Variants in SPAG16 observed in about 807,000 individuals in gnomAD.
SPAG16 encodes the protein sperm associated antigen 16, also known as sperm-associated antigen 16 protein.
Under a neutral mutation model 80.4 loss-of-function variants are expected in SPAG16, and 86 were observed. The observed-to-expected ratio is 1.07, with a 90% confidence interval of 0.90 to 1.28. The LOEUF is 1.28. Among genes scored for constraint, SPAG16 ranks in the 50% most tolerant of loss-of-function variants. The pLI is 0.00. For missense variants in SPAG16, 870 were observed against 765.3 expected, an observed-to-expected ratio of 1.14 and a Z score of -1.61; for synonymous variants, 294 against 265.9, an observed-to-expected ratio of 1.11 and a Z score of -1.03.
chr2:213,567,221 G>T (rs913947934), intron 10 of SPAG16, among the ~76,000 whole-genome samples: 7 of 98,512 alleles, frequency 7.1e-5, no homozygotes, highest in South Asian at 3.2e-4. Context: ...AAAATTACTT[G>T]TTTGACATTG....
chr2:213,671,987 CAT>C (rs2063828487), intron 10 of SPAG16, among the ~76,000 whole-genome samples: 2 of 152,158 alleles, frequency 1.3e-5, no homozygotes, highest in Non-Finnish European at 2.9e-5. Flanking sequence ...ATCATCAGCA[CAT>C]GAGATATTAT....
intron 14 of SPAG16, among the ~76,000 whole-genome samples, chr2:214,145,269 A>T (rs569296535): frequency 6.6e-6 from 1 of 152,136 alleles, no homozygotes; most frequent in African/African-American, 2.4e-5. Context: ...ACAAGTTTAC[A>T]TAACAGTTGC....
At chr2:213,418,575 A>G (rs1448802794) in intron 9 of SPAG16, among the ~76,000 whole-genome samples, 2 of 152,164 alleles carry the variant, frequency 1.3e-5, no homozygotes, top group African/African-American at 4.8e-5. Context: ...TGATGAATGC[A>G]GTATATTCTT....
At chr2:214,149,408 A>G in intron 15 of SPAG16, 142 bp downstream of exon 15, 1 of 734,094 alleles carries the variant, frequency 1.4e-6, no homozygotes, top group South Asian at 2.9e-5. Flanking sequence ...TTACATTAAG[A>G]TATATTTTAT....
intron 10 of SPAG16, among the ~76,000 whole-genome samples, chr2:213,705,608 A>T (rs1034540843): frequency 1.8e-4 from 28 of 151,942 alleles, no homozygotes; most frequent in Non-Finnish European, 2.4e-4. Flanking sequence ...TATTAAGAAA[A>T]TTTTTTTAGG....
intron 10 of SPAG16, among the ~76,000 whole-genome samples, chr2:213,563,048 A>G (rs974064171): frequency 3.3e-5 from 5 of 152,190 alleles, no homozygotes; most frequent in Non-Finnish European, 7.3e-5. Flanking sequence ...CATTTCAACC[A>G]TAGCAGTGAC....
At chr2:213,492,029 G>C (rs1352370492) in intron 10 of SPAG16, among the ~76,000 whole-genome samples, 1 of 152,112 alleles carries the variant, frequency 6.6e-6, no homozygotes, top group Non-Finnish European at 1.5e-5. Flanking sequence ...CTTTTTGCCT[G>C]TCTACTTCAT....
At chr2:213,585,976 C>A (rs565686941) in intron 10 of SPAG16, among the ~76,000 whole-genome samples, 2 of 152,112 alleles carry the variant, frequency 1.3e-5, no homozygotes, top group Non-Finnish European at 2.9e-5. Flanking sequence ...CTAATCATCT[C>A]CATAACATAT....
chr2:214,286,108 A>G (rs1693335124), intron 15 of SPAG16, among the ~76,000 whole-genome samples: 1 of 152,210 alleles, frequency 6.6e-6, no homozygotes, highest in African/African-American at 2.4e-5. Context: ...ATTTATTTCT[A>G]TATGGAACCA....
intron 10 of SPAG16, among the ~76,000 whole-genome samples, chr2:213,773,214 G>A (rs932291058): frequency 2.0e-5 from 3 of 151,574 alleles, no homozygotes; most frequent in African/African-American, 4.9e-5. Context: ...CAGTTTCTAC[G>A]GAATTCTGTT....
chr2:213,596,725 G>A (rs2124950300), intron 10 of SPAG16, among the ~76,000 whole-genome samples: 1 of 152,212 alleles, frequency 6.6e-6, no homozygotes, highest in Middle Eastern at 3.4e-3. Context: ...CAAAGACAAA[G>A]ATTGAGCTCT....
At chr2:213,793,798 T>C (rs976853268) in intron 10 of SPAG16, among the ~76,000 whole-genome samples, 3 of 152,196 alleles carry the variant, frequency 2.0e-5, no homozygotes, top group African/African-American at 7.2e-5. Flanking sequence ...AGTTTGGATA[T>C]CCCAGAAGTC....
At chr2:214,107,248 G>A (rs905502429) in intron 13 of SPAG16, among the ~76,000 whole-genome samples, 2 of 152,038 alleles carry the variant, frequency 1.3e-5, no homozygotes, top group African/African-American at 2.4e-5. Flanking sequence ...TAGAATATAA[G>A]GTCCGTGAGA....
chr2:213,708,004 T>C (rs1466533222), intron 10 of SPAG16, among the ~76,000 whole-genome samples: 1 of 152,208 alleles, frequency 6.6e-6, no homozygotes, highest in Non-Finnish European at 1.5e-5. Context: ...TGAGAGTCAG[T>C]GAAAGTCAAT....
At chr2:214,297,605 A>G (rs562466162) in intron 15 of SPAG16, among the ~76,000 whole-genome samples, 1 of 151,608 alleles carries the variant, frequency 6.6e-6, no homozygotes, top group Non-Finnish European at 1.5e-5. Context: ...TTCTTTCCCC[A>G]TTGTTTATTT....
At chr2:214,280,733 A>G (rs553315443) in intron 15 of SPAG16, 28 of 403,026 alleles carry the variant, frequency 6.9e-5, no homozygotes, top group African/African-American at 4.4e-4. Flanking sequence ...GGATGGTTCT[A>G]TCTCTTTTAA....
At chr2:213,869,228 G>A (rs1364817169) in intron 11 of SPAG16, among the ~76,000 whole-genome samples, 1 of 77,088 alleles carries the variant, frequency 1.3e-5, no homozygotes, top group African/African-American at 3.9e-5. Flanking sequence ...ACTCTAGCCT[G>A]GGCAACAAGA....
intron 15 of SPAG16, among the ~76,000 whole-genome samples, chr2:214,206,999 C>T (rs569611352): frequency 3.4e-4 from 51 of 152,072 alleles, no homozygotes; most frequent in Non-Finnish European, 6.8e-4. Context: ...TTGATCTCAA[C>T]CTCATTAAAG....
At chr2:213,809,667 A>C (rs1559486491) in intron 10 of SPAG16, among the ~76,000 whole-genome samples, 2 of 152,118 alleles carry the variant, frequency 1.3e-5, no homozygotes, top group African/African-American at 4.8e-5. Context: ...GGAAGTTTAA[A>C]ATTACAATTA....
Sources: gnomAD v4.1 joint callset for allele counts (sites outside exome capture counted in the v4.1 genomes callset) on GRCh38, gnomAD v4.1.1 for gene constraint, MANE v1.5 for transcripts, NCBI Gene and HGNC (gene_info 2026-07-23, HGNC 2026-07-21) for gene names.